The following DST variants were observed in gnomAD, a reference collection of about 807,000 sequenced individuals.
The protein encoded by DST is bullous pemphigoid antigen.
In DST, 253 loss-of-function variants were observed where a neutral mutation model predicts 875.2. That is an observed-to-expected ratio of 0.29 (90% CI 0.26 to 0.32). The LOEUF (loss-of-function observed/expected upper bound fraction) is 0.32, where lower values mean the gene tolerates loss of function less well. Ranked by LOEUF, DST falls within the 10% of genes least tolerant of loss-of-function variation. The pLI is 1.00. For synonymous variants in DST, 3,124 were observed against 3,197.1 expected (o/e 0.98, Z 0.77); for missense variants, 8,287 against 9,111.6 (o/e 0.91, Z 3.68).
intron 4 of DST, among the ~76,000 whole-genome samples, chr6:56,791,240 C>G: frequency 6.6e-6 from 1 of 152,164 alleles, no homozygotes; most frequent in East Asian, 1.9e-4. Flanking sequence ...GCCTGGGTGA[C>G]AGAGCGAGAT....
chr6:56,844,531 G>T (rs113607821), intron 4 of DST, among the ~76,000 whole-genome samples: 3,180 of 152,234 alleles, frequency 0.021, 107 homozygotes, highest in African/African-American at 0.072. Flanking sequence ...GAGTTTAAGC[G>T]TCCATTGGAG....
intron 4 of DST, among the ~76,000 whole-genome samples, chr6:56,776,465 T>C (rs112222617): frequency 0.028 from 4,339 of 152,312 alleles, 211 homozygotes; most frequent in African/African-American, 0.098. Context: ...TTATGATACA[T>C]GTACATACTA....
intron 9 of DST, among the ~76,000 whole-genome samples, chr6:56,698,311 C>A (rs1347959594): frequency 6.6e-6 from 1 of 151,640 alleles, no homozygotes; most frequent in Non-Finnish European, 1.5e-5. Flanking sequence ...TGTATTTCAG[C>A]CAACTTAAAA....
Position 56,907,753 on chromosome 6 carries a change from GA to G in DST, c.217-7133del, listed in dbSNP as rs571307509. Among the ~76,000 whole-genome samples, 58 of 150,124 alleles carry G rather than the reference GA, an allele frequency of 3.9e-4. No individual in the cohort carries two copies. The East Asian group carries it at 6.4e-3, about 17-fold the overall frequency. On this transcript the variant is annotated intron_variant, in intron 2 of 103. Coordinates refer to ENST00000680361, the MANE Select transcript of DST (RefSeq NM_001374736.1). ...ATTTAGATGAATGAGGCAGAAATTGGAAAAAAAAATAACATTTTTAGGTAAG... is the reference window on the plus strand; with the variant it reads ...ATTTAGATGAATGAGGCAGAAATTGGAAAAAAAATAACATTTTTAGGTAAG...
intron 36 of DST, chr6:56,615,227 T>C: frequency 8.4e-7 from 1 of 1,188,920 alleles, no homozygotes; most frequent in South Asian, 2.0e-5. Context: ...GAACTTGGAG[T>C]TCATCAAGTT....
intron 72 of DST, among the ~76,000 whole-genome samples, chr6:56,512,467 T>C (rs1340318714): frequency 6.6e-6 from 1 of 152,090 alleles, no homozygotes; most frequent in African/African-American, 2.4e-5. Flanking sequence ...CATTGAGGGG[T>C]CTTTCATTTG....
intron 4 of DST, among the ~76,000 whole-genome samples, chr6:56,735,493 T>C (rs1332718263): frequency 6.6e-6 from 1 of 152,184 alleles, no homozygotes; most frequent in Non-Finnish European, 1.5e-5. Flanking sequence ...TTCCCAGTAC[T>C]GCATTTACCA....
At chr6:56,517,338 A>C in intron 70 of DST, 33 bp from the exon 71 acceptor site, 2 of 1,599,800 alleles carry the variant, frequency 1.3e-6, no homozygotes, top group Non-Finnish European at 1.7e-6. Context: ...CAAAAAATAA[A>C]ACAAGAAATT....
chr6:56,592,459 AC>A, intron 48 of DST, 101 bp from the exon 49 acceptor site: 2 of 977,860 alleles, frequency 2.0e-6, no homozygotes, highest in Non-Finnish European at 3.0e-6. Flanking sequence ...TGGAAAAAAA[AC>A]CAGACTTCCA....
In DST at chr6:56,722,362, A is replaced by ATGTTTGTTTGTTTGTT. The variant is rs34299400; in HGVS notation, c.687+12865_687+12866insAACAAACAAACAAACA. ...TCTTTTTTGACAATAAAAGTAGTAC[A>ATGTTTGTTTGTTTGTT]TGTTTGTTTATTTATTTATTTATTT... On this transcript the variant is annotated intron_variant, in intron 5 of 103. Coordinates refer to ENST00000680361, the MANE Select transcript of DST (RefSeq NM_001374736.1). Among the ~76,000 whole-genome samples the ATGTTTGTTTGTTTGTT allele has an allele frequency of 8.5e-4, 125 of 146,484 alleles. 1 individual carries two copies. The highest frequency in any genetic ancestry group is 3.2e-3 in the African/African-American group (122 of 37,626).
At chr6:56,888,725 T>G (rs960901507) in intron 3 of DST, among the ~76,000 whole-genome samples, 3 of 152,230 alleles carry the variant, frequency 2.0e-5, no homozygotes, top group Non-Finnish European at 4.4e-5. Flanking sequence ...TCTGGTTAAT[T>G]TAATTATTAC....
intron 2 of DST, among the ~76,000 whole-genome samples, chr6:56,903,458 T>C (rs1425224196): frequency 1.3e-5 from 2 of 152,184 alleles, no homozygotes; most frequent in African/African-American, 4.8e-5. Flanking sequence ...GAATTATTTA[T>C]GATATAAAAA....
chr6:56,688,923 T>G (rs530535119), intron 9 of DST, among the ~76,000 whole-genome samples: 2 of 152,134 alleles, frequency 1.3e-5, no homozygotes, highest in African/African-American at 4.8e-5. Context: ...CAAAAAGGCA[T>G]ACACTTATGC....
chr6:56,552,448 C>T lies in DST; in HGVS notation c.16344G>A (p.Met5448Ile). Residue 5448 changes from methionine to isoleucine, a missense_variant, in exon 61 of 104, where the codon ATG (methionine) becomes ATA (isoleucine). Physicochemically the swap from Met to Ile is conservative, Grantham distance 10. Transcript: ENST00000680361. Reference sequence around the variant, plus strand: ...GAGAGGTTTCTTCTGTGGCTAACATCATCTTGCAGGTTTTATTGGCATTGT... The same window carrying T: ...GAGAGGTTTCTTCTGTGGCTAACATTATCTTGCAGGTTTTATTGGCATTGT... ...SNDNANKTCK[M>I]MLATEETSPD... 1 of 1,614,004 alleles carries T rather than the reference C, an allele frequency of 6.2e-7. No homozygotes were observed. The highest frequency in any genetic ancestry group is 8.5e-7 in the Non-Finnish European group (1 of 1,179,882).
rs554969286 is a variant in DST at position 56,560,547 on chromosome 6, T to G, written c.14311-124A>C. 4.8e-6 allele frequency: 5 copies of G among 1,038,008 alleles called. No individual in the cohort carries two copies. In the Admixed American group the frequency reaches 1.3e-4, roughly 28 times the overall value. The allele number at this position is 1,038,008 out of a possible 1,614,324, so 64.3% of individuals were successfully genotyped here. ...AAAAATCTACTGTTAAATGTTGTGG[T>G]GGGTGAGGGCCTGGATTTTGCAATT... On this transcript the variant is annotated intron_variant, in intron 57 of 103. Transcript: ENST00000680361.
intron 5 of DST, among the ~76,000 whole-genome samples, chr6:56,731,988 T>C (rs1171075935): frequency 6.6e-6 from 1 of 152,242 alleles, no homozygotes; most frequent in Non-Finnish European, 1.5e-5. Flanking sequence ...TATTTAACTT[T>C]TTAAACAATA....
chr6:56,497,047 G>T (rs1406416306), intron 82 of DST, among the ~76,000 whole-genome samples: 2 of 152,056 alleles, frequency 1.3e-5, no homozygotes, highest in East Asian at 3.9e-4. Flanking sequence ...ATAGCATTAG[G>T]AGATACACCT....
intron 5 of DST, among the ~76,000 whole-genome samples, chr6:56,720,032 C>G (rs184749258): frequency 6.6e-6 from 1 of 152,146 alleles, no homozygotes; most frequent in Non-Finnish European, 1.5e-5. Context: ...TGAGAGCAAC[C>G]GGTCTGACCA....
intron 61 of DST, among the ~76,000 whole-genome samples, chr6:56,547,039 G>C (rs1358613271): frequency 6.6e-6 from 1 of 152,116 alleles, no homozygotes; most frequent in Non-Finnish European, 1.5e-5. Flanking sequence ...TCAAATGAAG[G>C]AATAAAAGTT....
Sources: gnomAD v4.1 joint callset for allele counts (sites outside exome capture counted in the v4.1 genomes callset) on GRCh38, gnomAD v4.1.1 for gene constraint, MANE v1.5 for transcripts, NCBI Gene and HGNC (gene_info 2026-07-23, HGNC 2026-07-21) for gene names.